MDC1: variants seen among roughly 807,000 people sequenced by gnomAD.
MDC1 encodes mediator of DNA damage checkpoint protein 1.
MDC1 carries 81 observed loss-of-function variants against 142.5 expected under a neutral mutation model. The observed-to-expected ratio is 0.57, with a 90% confidence interval of 0.47 to 0.68. The LOEUF (loss-of-function observed/expected upper bound fraction) is 0.68, where lower values mean the gene tolerates loss of function less well. Ranked by LOEUF, MDC1 falls within the 30% of genes least tolerant of loss-of-function variation. The pLI is 0.00. For missense variants in MDC1, 2,119 were observed against 2,547.9 expected, an observed-to-expected ratio of 0.83 and a Z score of 3.62; for synonymous variants, 797 against 968.4, an observed-to-expected ratio of 0.82 and a Z score of 3.29.
chr6:30,711,141 G>A (rs778593389), intron 7 of MDC1, among the ~76,000 whole-genome samples: 3 of 152,218 alleles, frequency 2.0e-5, no homozygotes, highest in Non-Finnish European at 4.4e-5. Context: ...TTGGGAGGCC[G>A]AGGCAGGCGG....
At chr6:30,707,257 G>T in intron 9 of MDC1, 127 bp downstream of exon 9, 1 of 984,482 alleles carries the variant, frequency 1.0e-6, no homozygotes, top group African/African-American at 1.6e-5. Flanking sequence ...GCCAATCAAG[G>T]CGTGACAAAA....
chr6:30,708,968 C>A (rs945116127), intron 7 of MDC1, among the ~76,000 whole-genome samples: 5 of 150,322 alleles, frequency 3.3e-5, no homozygotes, highest in African/African-American at 7.5e-5. Context: ...GTGACAGAGA[C>A]CCTGTCTCAA....
At chr6:30,702,415 T>C (rs1050517015) in intron 14 of MDC1, 138 bp downstream of exon 14, 4 of 613,358 alleles carry the variant, frequency 6.5e-6, no homozygotes, top group East Asian at 2.9e-5. Context: ...TTCTATACCA[T>C]AGGTCTTTTC....
intron 7 of MDC1, among the ~76,000 whole-genome samples, chr6:30,708,570 T>G (rs902484619): frequency 5.3e-5 from 8 of 152,208 alleles, no homozygotes; most frequent in Non-Finnish European, 1.0e-4. Flanking sequence ...GGTCATAGCC[T>G]TAGGCGGGCA....
Position 30,704,179 on chromosome 6 carries a change from C to A in MDC1, c.5004G>T (p.Gln1668His). 6.2e-7 allele frequency: 1 copy of A among 1,613,174 alleles called. No individual in the cohort carries two copies. The highest frequency in any genetic ancestry group is 8.5e-7 in the Non-Finnish European group (1 of 1,179,578). ...SDLEPFTPTD[Q>H]SVTPEAIAQG... The stretch of plus-strand genomic sequence containing the variant: ...GAGCTATGGCCTCAGGGGTGACGGA[C>A]TGGTCTGTGGGGGTAAAAGGCTCAA... Residue 1668 changes from glutamine (Q) to histidine (H), a missense_variant, in exon 10 of 15, where the codon CAG (glutamine) becomes CAT (histidine). By Grantham distance (24) the Gln-to-His change is conservative (BLOSUM62 0). Transcript: ENST00000376406.
chr6:30,708,430 T>A, intron 7 of MDC1, 73 bp from the exon 8 acceptor site: 1 of 1,100,348 alleles, frequency 9.1e-7, no homozygotes, highest in Non-Finnish European at 1.3e-6. Flanking sequence ...GAAAGGGAAG[T>A]ACAGGTTGAC....
Position 30,712,878 on chromosome 6 carries a change from C to G in MDC1, c.1064G>C (p.Gly355Ala), listed in dbSNP as rs1775125913. 12 of 1,613,068 alleles carry G rather than the reference C, an allele frequency of 7.4e-6. No individual in the cohort carries two copies. The highest frequency in any genetic ancestry group is 1.0e-5 in the Non-Finnish European group (12 of 1,180,034). Residue 355 changes from glycine to alanine, a missense_variant, in exon 5 of 15, where the codon GGA (glycine) becomes GCA (alanine). Coordinates refer to ENST00000376406, the MANE Select transcript of MDC1 (RefSeq NM_014641.3). The surrounding 1 kb of genome is among the most constrained non-coding windows in gnomAD (Gnocchi z 4.7). ...IPMKKRKIFHGVGTRGPGAPG... is the reference protein window; with the variant it reads ...IPMKKRKIFHAVGTRGPGAPG... The stretch of plus-strand genomic sequence containing the variant: ...TGCTCCAGGACCCCTTGTACCTACT[C>G]CATGGAAGATCTTCCTCTTCTTCAT...
At chr6:30,717,016 A>T (rs1460147574) in intron 1 of MDC1, 1 of 617,928 alleles carries the variant, frequency 1.6e-6, no homozygotes, top group Non-Finnish European at 2.0e-6. Flanking sequence ...CAATTCAAAG[A>T]GCCACCATCT....
rs1163329358 is a variant in MDC1 at position 30,716,556 on chromosome 6, G to T, written c.-4+689C>A. Among the ~76,000 whole-genome samples the T allele has an allele frequency of 6.6e-6, 1 of 152,164 alleles. No homozygotes were observed. Among genetic ancestry groups the T allele is most frequent in the Non-Finnish European group, 1.5e-5 (1 of 68,038 alleles). On this transcript the variant is annotated intron_variant, in intron 1 of 14. Transcript: ENST00000376406. The surrounding 1 kb of genome is among the most constrained non-coding windows in gnomAD (Gnocchi z 4.4). ...CAAACCCTTTCCTGGCGTGTTCCCT[G>T]CCTTCTCGTGTTCCTGGTGTATCCT...
Position 30,703,879 on chromosome 6 carries a change from T to A in MDC1, c.5304A>T (p.Thr1768=). 1 of 1,614,130 alleles carries A rather than the reference T, an allele frequency of 6.2e-7. No homozygotes were observed. The highest frequency in any genetic ancestry group is 8.5e-7 in the Non-Finnish European group (1 of 1,180,002). Residue 1768 remains threonine (T), a synonymous_variant, in exon 10 of 15, where the codon ACA becomes ACT. Transcript: ENST00000376406. The surrounding 1 kb of genome is among the most constrained non-coding windows in gnomAD (Gnocchi z 4.4). Reference sequence around the variant, plus strand: ...GGGGAGAGGCAGGCTCAGGAATGGCTGTAAGGGATTCAGCTGCTCTCACTG... The same window carrying A: ...GGGGAGAGGCAGGCTCAGGAATGGCAGTAAGGGATTCAGCTGCTCTCACTG... ...WGAVRAAESL[T]AIPEPASPQL... is the part of the protein sequence containing the mutation.
Position 30,700,510 on chromosome 6 carries a change from C to T in MDC1, c.6225G>A (p.Lys2075=). The change falls in exon 15 of 15, where the codon AAG becomes AAA. Residue 2075 remains lysine (K), a synonymous_variant. Coordinates refer to ENST00000376406, the MANE Select transcript of MDC1 (RefSeq NM_014641.3). The part of the protein sequence containing the change: ...LLTGVLKQEA[K]PEAFVLSPLE... ...AAGGGGAGAGGACAAAGGCCTCTGGCTTGGCTTCCTGCTTCAGCACTCCAG... is the reference window on the plus strand; with the variant it reads ...AAGGGGAGAGGACAAAGGCCTCTGGTTTGGCTTCCTGCTTCAGCACTCCAG... The T allele has an allele frequency of 6.2e-7, 1 of 1,612,968 alleles. No homozygotes were observed. The highest frequency in any genetic ancestry group is 2.2e-5 in the East Asian group (1 of 44,864).
At position 30,704,331 on chromosome 6, in the gene MDC1, C is replaced by G. The variant is rs1310547294; in HGVS notation, c.4852G>C (p.Glu1618Gln). The change falls in exon 10 of 15, where the codon GAG (glutamate) becomes CAG (glutamine). Residue 1618 changes from glutamate to glutamine, a missense_variant. Coordinates refer to ENST00000376406, the MANE Select transcript of MDC1 (RefSeq NM_014641.3). ...TCTGTGGAGGTGGTAGGATGGGGCTCAGGGGCTGTGGGGACAACTGGCTCA... is the reference window on the plus strand; with the variant it reads ...TCTGTGGAGGTGGTAGGATGGGGCTGAGGGGCTGTGGGGACAACTGGCTCA... ...TPEPVVPTAP[E>Q]PHPTTSTDQP... is the part of the protein sequence containing the mutation. 1 of 1,613,452 alleles carries G rather than the reference C, an allele frequency of 6.2e-7. No homozygotes were observed. Among genetic ancestry groups the G allele is most frequent in the Non-Finnish European group, 8.5e-7 (1 of 1,179,756 alleles).
chr6:30,712,862 A>G lies in MDC1; in HGVS notation c.1080T>C (p.Gly360=), dbSNP rs2517561. Residue 360 remains glycine, a synonymous_variant, in exon 5 of 15, where the codon GGT becomes GGC. Transcript: ENST00000376406. This position sits in a 1 kb window ranked among gnomAD's most constrained non-coding sequence, Gnocchi z 4.7. Reference sequence around the variant, plus strand: ...GATGGGCCAGGCCTGGTGCTCCAGGACCCCTTGTACCTACTCCATGGAAGA... The same window carrying G: ...GATGGGCCAGGCCTGGTGCTCCAGGGCCCCTTGTACCTACTCCATGGAAGA... ...RKIFHGVGTR[G]PGAPGLAHLQ... The G allele has an allele frequency of 7.1e-3, 11,512 of 1,612,692 alleles. 61 individuals are homozygous for G. The highest frequency in any genetic ancestry group is 9.8e-3 in the Admixed American group (589 of 59,978).
Position 30,715,274 on chromosome 6 carries a change from T to C in MDC1, c.-3-96A>G, listed in dbSNP as rs1414127922. On this transcript the variant is annotated intron_variant, in intron 1 of 14. Transcript: ENST00000376406. The surrounding 1 kb of genome is among the most constrained non-coding windows in gnomAD (Gnocchi z 4.1). ...GAAAACTAGGGGGTAAACTGGATCA[T>C]TATGAACGTTGATGCTTCTCTTTCC... is the stretch of plus-strand genomic sequence containing the variant. The C allele has an allele frequency of 1.6e-6, 2 of 1,287,256 alleles. No individual in the cohort carries two copies. The highest frequency in any genetic ancestry group is 2.2e-4 in the Middle Eastern group (1 of 4,462). The allele number at this position is 1,287,256 out of a possible 1,614,324, so 79.7% of individuals were successfully genotyped here.
chr6:30,712,927 G>A lies in MDC1; in HGVS notation c.1015C>T (p.Pro339Ser), dbSNP rs1442008265. 1 of 1,613,012 alleles carries A rather than the reference G, an allele frequency of 6.2e-7. No individual in the cohort carries two copies. The highest frequency in any genetic ancestry group is 1.7e-5 in the Admixed American group (1 of 60,020). Residue 339 changes from proline (P) to serine (S), a missense_variant, in exon 5 of 15, where the codon CCA becomes TCA. Transcript: ENST00000376406. This position sits in a 1 kb window ranked among gnomAD's most constrained non-coding sequence, Gnocchi z 4.7. ...ATAGGAATGACAACTGGGGTTGCTG[G>A]GATCCTCTCTTCTTCCGCATCAGTG... is the stretch of plus-strand genomic sequence containing the variant. ...SDTDAEEERI[P>S]ATPVVIPMKK...
At position 30,702,811 on chromosome 6, in the gene MDC1, T is replaced by G. The variant is rs763711633; in HGVS notation, c.5932A>C (p.Asn1978His). The part of the protein sequence containing the change: ...YVVTDPEQEK[N>H]FGFSLQDALS... ...GCGTCTTGAAGGCTAAAGCCAAAGT[T>G]CTTCTCTTGCTCAGGGTCGGTCACC... The change falls in exon 13 of 15, where the codon AAC becomes CAC. Residue 1978 changes from asparagine (N) to histidine (H), a missense_variant. Transcript: ENST00000376406. The G allele has an allele frequency of 4.3e-6, 7 of 1,613,104 alleles. No individual in the cohort carries two copies. In the South Asian group the frequency reaches 7.7e-5, roughly 18 times the overall value.
Position 30,713,781 on chromosome 6 carries a change from C to T in MDC1, c.517+22G>A, listed in dbSNP as rs772195457. ...CTCATTATTCCTGTCTCCTCATTCT[C>T]CCTGCCAATATACAAACTTACCTAC... On this transcript the variant is annotated intron_variant, in intron 3 of 14. Transcript: ENST00000376406. This position sits in a 1 kb window ranked among gnomAD's most constrained non-coding sequence, Gnocchi z 4.9. 5 of 1,613,504 alleles carry T rather than the reference C, an allele frequency of 3.1e-6. No homozygotes were observed. In the African/African-American group the frequency reaches 6.7e-5, roughly 22 times the overall value.
intron 7 of MDC1, among the ~76,000 whole-genome samples, chr6:30,708,916 TC>T (rs926528367): frequency 6.7e-6 from 1 of 148,734 alleles, no homozygotes; most frequent in Non-Finnish European, 1.5e-5. Flanking sequence ...TAATATGAGT[TC>T]CCTGAATAGT....
At position 30,709,346 on chromosome 6, in the gene MDC1, GTA is replaced by G. The variant is rs1774461808; in HGVS notation, c.2222-991_2222-990del. 1.3e-5 allele frequency among the ~76,000 whole-genome samples: 2 copies of G among 152,218 alleles called. No individual in the cohort carries two copies. The highest frequency in any genetic ancestry group is 2.9e-5 in the Non-Finnish European group (2 of 68,038). On this transcript the variant is annotated intron_variant, in intron 7 of 14. Coordinates refer to ENST00000376406, the MANE Select transcript of MDC1 (RefSeq NM_014641.3). The surrounding 1 kb of genome is among the most constrained non-coding windows in gnomAD (Gnocchi z 4.2). ...TTTCCTTCTTTTTAAAGGCTGAATA[GTA>G]TTCCACTGTGTATATATACCACATT...
Sources: gnomAD v4.1 joint callset for allele counts (sites outside exome capture counted in the v4.1 genomes callset) on GRCh38, gnomAD v4.1.1 for gene constraint, Gnocchi (gnomAD v3.1) non-coding constraint, MANE v1.5 for transcripts, NCBI Gene and HGNC (gene_info 2026-07-23, HGNC 2026-07-21) for gene names.